NFIB: variants seen among roughly 807,000 people sequenced by gnomAD.
NFIB encodes nuclear factor 1 B-type.
Under a neutral mutation model 61.5 loss-of-function variants are expected in NFIB, and 11 were observed. The ratio of observed to expected loss-of-function variants is 0.18; its 90% confidence interval spans 0.11 to 0.30. The LOEUF (loss-of-function observed/expected upper bound fraction) is 0.30, where lower values mean the gene tolerates loss of function less well. Ranked by LOEUF, NFIB falls within the 10% of genes least tolerant of loss-of-function variation. NFIB has a pLI of 1.00. For synonymous variants in NFIB, 260 were observed against 216.5 expected, an observed-to-expected ratio of 1.20 and a Z score of -1.76; for missense variants, 471 against 608.9, an observed-to-expected ratio of 0.77 and a Z score of 2.38.
intron 1 of NFIB, chr9:14,322,301 G>C: frequency 3.2e-6 from 1 of 314,646 alleles, no homozygotes; most frequent in Non-Finnish European, 5.6e-6. Context: ...AGGATGGTGT[G>C]TGTGTGTGCG....
chr9:14,425,929 A>G, the NFIB span, among the ~76,000 whole-genome samples: 1 of 152,200 alleles, frequency 6.6e-6, no homozygotes, highest in African/African-American at 2.4e-5. Flanking sequence ...CCTTTTGACT[A>G]AAGGAAGAAA....
chr9:14,112,907 C>T, intron 10 of NFIB, 92 bp downstream of exon 10: 2 of 1,193,278 alleles, frequency 1.7e-6, no homozygotes, highest in Non-Finnish European at 2.4e-6. Flanking sequence ...GCCCCGGGAG[C>T]CCCCTTCTGA....
intron 2 of NFIB, among the ~76,000 whole-genome samples, chr9:14,194,456 G>A (rs1472039009): frequency 1.3e-5 from 2 of 152,090 alleles, no homozygotes; most frequent in Admixed American, 6.6e-5. Context: ...GTGGGACAGG[G>A]AGCCTAAAGC....
the NFIB span, among the ~76,000 whole-genome samples, chr9:14,467,604 A>G: frequency 6.6e-6 from 1 of 152,226 alleles, no homozygotes; most frequent in Non-Finnish European, 1.5e-5. Context: ...TTATTCAGTC[A>G]ATTGGCATTC....
At chr9:14,288,976 G>C (rs1711943154) in intron 2 of NFIB, among the ~76,000 whole-genome samples, 1 of 151,120 alleles carries the variant, frequency 6.6e-6, no homozygotes, top group Non-Finnish European at 1.5e-5. Flanking sequence ...ACTATATGAT[G>C]ATACATACGG....
chr9:14,355,644 C>T (rs2061167542), intron 1 of NFIB, among the ~76,000 whole-genome samples: 1 of 152,148 alleles, frequency 6.6e-6, no homozygotes, highest in Admixed American at 6.5e-5. Context: ...CTTAGAAGTG[C>T]CCCACGTTGG....
the NFIB span, among the ~76,000 whole-genome samples, chr9:14,475,385 T>C: frequency 6.6e-6 from 1 of 152,226 alleles, no homozygotes; most frequent in Non-Finnish European, 1.5e-5. Context: ...GAAGAGGCTA[T>C]GGAGCCTGTG....
intron 1 of NFIB, among the ~76,000 whole-genome samples, chr9:14,339,934 C>A (rs1389545639): frequency 6.6e-6 from 1 of 152,172 alleles, no homozygotes; most frequent in Non-Finnish European, 1.5e-5. Flanking sequence ...TGGTAATTGC[C>A]TGGCTAAGCT....
chr9:14,495,601 A>G, the NFIB span, among the ~76,000 whole-genome samples: 1 of 152,058 alleles, frequency 6.6e-6, no homozygotes, highest in African/African-American at 2.4e-5. Flanking sequence ...ATCAGCTGGA[A>G]GCTAAGATGA....
At chr9:14,464,981 G>A in the NFIB span, among the ~76,000 whole-genome samples, 1 of 152,252 alleles carries the variant, frequency 6.6e-6, no homozygotes, top group African/African-American at 2.4e-5. Context: ...GAACATGGGA[G>A]TGCCATGATG....
chr9:14,404,331 G>C, the NFIB span, among the ~76,000 whole-genome samples: 6 of 152,152 alleles, frequency 3.9e-5, no homozygotes, highest in African/African-American at 1.4e-4. Flanking sequence ...CCAAGTATCA[G>C]GCACTATTCT....
chr9:14,418,433 C>A, the NFIB span, among the ~76,000 whole-genome samples: 1 of 152,174 alleles, frequency 6.6e-6, no homozygotes, highest in Non-Finnish European at 1.5e-5. Context: ...TGAACCCCCA[C>A]CCCCATCTCT....
intron 1 of NFIB, among the ~76,000 whole-genome samples, chr9:14,327,206 G>C (rs1357282715): frequency 1.3e-5 from 2 of 152,142 alleles, no homozygotes; most frequent in Non-Finnish European, 2.9e-5. Flanking sequence ...TGATCCTTCA[G>C]TATAGTCCTG....
rs142152219 is a variant in NFIB at position 14,204,914 on chromosome 9, A to G, written c.563-25134T>C. 1,823 of 362,732 alleles carry G rather than the reference A, an allele frequency of 5.0e-3. 13 individuals are homozygous for G. Among genetic ancestry groups the G allele is most frequent in the Non-Finnish European group, 7.4e-3 (1,411 of 189,630 alleles). The allele number at this position is 362,732 out of a possible 1,614,324, so 22.5% of individuals were successfully genotyped here. A position where few individuals can be genotyped will look rare whatever the true frequency, so the allele number is the denominator to read the frequency against. On this transcript the variant is annotated intron_variant, in intron 2 of 10. Transcript: ENST00000380953. ...GGTTAAGCTGGTGGTAGCTATCAGA[A>G]CCAATTACAACGACAGAGCCAATGA...
At chr9:14,132,682 C>G (rs1179076728) in intron 6 of NFIB, among the ~76,000 whole-genome samples, 1 of 152,132 alleles carries the variant, frequency 6.6e-6, no homozygotes, top group Non-Finnish European at 1.5e-5. Context: ...ATCCTCCCAT[C>G]TCAGCCTCCC....
At chr9:14,333,963 A>T (rs1234115929) in intron 1 of NFIB, among the ~76,000 whole-genome samples, 1 of 152,252 alleles carries the variant, frequency 6.6e-6, no homozygotes, top group Admixed American at 6.5e-5. Context: ...AAGAAAAAGC[A>T]TACAATATTT....
chr9:14,438,046 G>A, the NFIB span, among the ~76,000 whole-genome samples: 8 of 152,034 alleles, frequency 5.3e-5, no homozygotes, highest in South Asian at 2.1e-4. Flanking sequence ...ATGTGCGTGC[G>A]TGTGCACGCA....
chr9:14,395,887 G>C (rs1426341733), intron 1 of NFIB, among the ~76,000 whole-genome samples: 1 of 151,710 alleles, frequency 6.6e-6, no homozygotes, highest in African/African-American at 2.4e-5. Flanking sequence ...GTTCAGTTGA[G>C]GCTGGGGTGT....
At chr9:14,438,042 G>A in the NFIB span, among the ~76,000 whole-genome samples, 71 of 152,010 alleles carry the variant, frequency 4.7e-4, no homozygotes, top group African/African-American at 1.4e-3. Flanking sequence ...GCGTATGTGC[G>A]TGCGTGTGCA....
Sources: allele counts gnomAD v4.1 joint callset (sites outside exome capture counted in the v4.1 genomes callset), GRCh38; gene constraint gnomAD v4.1.1; transcripts MANE v1.5; gene names NCBI Gene and HGNC (gene_info 2026-07-23, HGNC 2026-07-21).